The following MAB21L3 variants were observed in gnomAD, a reference collection of about 807,000 sequenced individuals.
MAB21L3 encodes protein mab-21-like 3.
Under a neutral mutation model 37.7 loss-of-function variants are expected in MAB21L3, and 36 were observed. That is an observed-to-expected ratio of 0.96 (90% CI 0.73 to 1.26). The LOEUF (loss-of-function observed/expected upper bound fraction) is 1.26. MAB21L3 is among the 50% of genes most tolerant of loss of function. MAB21L3 has a pLI of 0.00. For synonymous variants in MAB21L3, 186 were observed against 176.8 expected (o/e 1.05, Z -0.41); for missense variants, 430 against 447.3 (o/e 0.96, Z 0.35).
chr1:116,127,793 A>G, intron 6 of MAB21L3, 149 bp downstream of exon 6: 2 of 899,020 alleles, frequency 2.2e-6, no homozygotes, highest in Non-Finnish European at 3.3e-6. Flanking sequence ...CAGCAGCGTC[A>G]CCTGAGAACT....
At position 116,124,303 on chromosome 1, in the gene MAB21L3, C is replaced by T; in HGVS notation, c.427C>T (p.Leu143Phe). The T allele has an allele frequency of 1.9e-6, 3 of 1,614,132 alleles. No individual in the cohort carries two copies. Among genetic ancestry groups the T allele is most frequent in the Non-Finnish European group, 2.5e-6 (3 of 1,180,032 alleles). Reference sequence around the variant, plus strand: ...CGGAGACATTGTGCCTGCCAAGGTCCTCCTAGTGTTCCGGAAGCTGGTGGA... The same window carrying T: ...CGGAGACATTGTGCCTGCCAAGGTCTTCCTAGTGTTCCGGAAGCTGGTGGA... ...IDGDIVPAKVLLVFRKLVENA... is the reference protein window; with the variant it reads ...IDGDIVPAKVFLVFRKLVENA... The change falls in exon 5 of 8, where the codon CTC (leucine) becomes TTC (phenylalanine). Residue 143 changes from leucine to phenylalanine, a missense_variant. By Grantham distance (22) the Leu-to-Phe change is conservative. Coordinates refer to ENST00000369500, the MANE Select transcript of MAB21L3 (RefSeq NM_152367.3).
In MAB21L3 at chr1:116,124,321, C is replaced by T; in HGVS notation, c.445C>T (p.Leu149=). The stretch of plus-strand genomic sequence containing the variant: ...CAAGGTCCTCCTAGTGTTCCGGAAG[C>T]TGGTGGAAAATGCAGTTAGAACCTG... ...PAKVLLVFRK[L]VENAVRTCHL... The change falls in exon 5 of 8, where the codon CTG becomes TTG. Residue 149 remains leucine, a synonymous_variant. Transcript: ENST00000369500. 6.2e-7 allele frequency: 1 copy of T among 1,613,914 alleles called. No individual in the cohort carries two copies.
intron 3 of MAB21L3, among the ~76,000 whole-genome samples, chr1:116,120,428 CACAA>C (rs1300734146): frequency 1.3e-5 from 2 of 149,612 alleles, no homozygotes; most frequent in African/African-American, 5.0e-5. Context: ...CACACACACA[CACAA>C]ACACACACAC....
Position 116,117,162 on chromosome 1 carries a change from C to CATATATATATATATATAT in MAB21L3, c.49-3757_49-3740dup, listed in dbSNP as rs35799148. Among the ~76,000 whole-genome samples, 146 of 114,492 alleles carry CATATATATATATATATAT rather than the reference C, an allele frequency of 1.3e-3. 1 individual carries two copies. Among genetic ancestry groups the CATATATATATATATATAT allele is most frequent in the African/African-American group, 4.2e-3 (120 of 28,552 alleles). 75.1% of individuals were successfully genotyped at this position (114,492 alleles called of 152,430 possible). ...TAACTCAGGAATCAAAATATACATA[C>CATATATATATATATATAT]ATATATATATATATATATATATATA... is the stretch of plus-strand genomic sequence containing the variant. On this transcript the variant is annotated intron_variant, in intron 3 of 7. Transcript: ENST00000369500.
intron 7 of MAB21L3, among the ~76,000 whole-genome samples, chr1:116,129,654 C>T (rs765556211): frequency 3.9e-5 from 6 of 152,220 alleles, no homozygotes; most frequent in Admixed American, 6.5e-5. Context: ...TGACCTAACT[C>T]GATGTTCTTA....
chr1:116,122,962 T>C (rs1570807046), intron 4 of MAB21L3, among the ~76,000 whole-genome samples: 1 of 152,246 alleles, frequency 6.6e-6, no homozygotes, highest in South Asian at 2.1e-4. Flanking sequence ...TGTGGATACA[T>C]CATCTAAAAC....
At position 116,112,570 on chromosome 1, in the gene MAB21L3, A is replaced by G; in HGVS notation, c.-46A>G. ...GTGTTGCACTCCATTGAGAAAAAAA[A>G]AAAAACCAGGAAGTTGCTGTTCTAC... On this transcript the variant is annotated 5_prime_UTR_variant, in exon 3 of 8. Transcript: ENST00000369500. 6.3e-7 allele frequency: 1 copy of G among 1,597,806 alleles called. No individual in the cohort carries two copies. The highest frequency in any genetic ancestry group is 8.5e-7 in the Non-Finnish European group (1 of 1,170,774).
intron 3 of MAB21L3, among the ~76,000 whole-genome samples, chr1:116,114,899 G>T (rs76266676): frequency 1.2e-4 from 19 of 152,154 alleles, no homozygotes; most frequent in Non-Finnish European, 2.5e-4. Flanking sequence ...GAAGTGTAGG[G>T]TTTTAATAAG....
rs74884121 is a variant in MAB21L3 at position 116,133,288 on chromosome 1, A to G, written c.1012A>G (p.Thr338Ala). The G allele has an allele frequency of 0.025, 40,094 of 1,614,188 alleles. 617 individuals carry two copies. Among genetic ancestry groups the G allele is most frequent in the South Asian group, 0.044 (4,013 of 91,084 alleles). The change falls in exon 8 of 8, where the codon ACC becomes GCC. Residue 338 changes from threonine (T) to alanine (A), a missense_variant. Coordinates refer to ENST00000369500, the MANE Select transcript of MAB21L3 (RefSeq NM_152367.3). The part of the protein sequence containing the change: ...FVRNSNLFQC[T>A]NPTELDTVAQ... ...CCGGAACAGCAACCTCTTTCAGTGC[A>G]CCAACCCGACTGAACTGGACACTGT...
intron 4 of MAB21L3, among the ~76,000 whole-genome samples, 184 bp downstream of exon 4, chr1:116,121,256 T>A (rs1263233938): frequency 1.3e-5 from 2 of 152,206 alleles, no homozygotes; most frequent in African/African-American, 2.4e-5. Context: ...GCCAGCAGGG[T>A]GCCTTATGCC....
intron 5 of MAB21L3, among the ~76,000 whole-genome samples, chr1:116,126,936 A>G (rs986053629): frequency 6.6e-6 from 1 of 152,196 alleles, no homozygotes; most frequent in Non-Finnish European, 1.5e-5. Flanking sequence ...GCTTTGTGTT[A>G]GATGATTTTG....
intron 5 of MAB21L3, among the ~76,000 whole-genome samples, chr1:116,125,810 A>T (rs1285760772): frequency 6.9e-6 from 1 of 145,510 alleles, no homozygotes; most frequent in Non-Finnish European, 1.5e-5. Context: ...ACTTAGAGAG[A>T]TTAAGTCACT....
At chr1:116,130,263 C>T (rs1431570248) in intron 7 of MAB21L3, among the ~76,000 whole-genome samples, 2 of 152,226 alleles carry the variant, frequency 1.3e-5, no homozygotes, top group Non-Finnish European at 2.9e-5. Context: ...GACTTCTATT[C>T]TGATGGCTCC....
At chr1:116,127,150 TC>T (rs1659929978) in intron 5 of MAB21L3, among the ~76,000 whole-genome samples, 1 of 151,950 alleles carries the variant, frequency 6.6e-6, no homozygotes, top group Non-Finnish European at 1.5e-5. Flanking sequence ...CAGTTGATCC[TC>T]CTGAAAAGAA....
At chr1:116,130,713 A>G (rs1660046147) in intron 7 of MAB21L3, among the ~76,000 whole-genome samples, 1 of 152,218 alleles carries the variant, frequency 6.6e-6, no homozygotes. Context: ...CTCTGCCCCA[A>G]GACTATTTCA....
intron 5 of MAB21L3, among the ~76,000 whole-genome samples, chr1:116,126,758 T>C (rs1334183797): frequency 2.6e-5 from 4 of 152,202 alleles, no homozygotes; most frequent in Non-Finnish European, 5.9e-5. Flanking sequence ...GGTTTCATTT[T>C]TACAGTAGCA....
At chr1:116,117,282 A>G (rs993626159) in intron 3 of MAB21L3, among the ~76,000 whole-genome samples, 1 of 151,232 alleles carries the variant, frequency 6.6e-6, no homozygotes, top group Admixed American at 6.6e-5. Context: ...TTGGCCTTCA[A>G]CACGTTCTGA....
At chr1:116,131,995 T>G (rs1373288341) in intron 7 of MAB21L3, among the ~76,000 whole-genome samples, 1 of 152,152 alleles carries the variant, frequency 6.6e-6, no homozygotes, top group Non-Finnish European at 1.5e-5. Flanking sequence ...CTCCTAGGTT[T>G]TCGTGTTGCA....
chr1:116,117,189 A>G (rs1037418186), intron 3 of MAB21L3, among the ~76,000 whole-genome samples: 10 of 144,246 alleles, frequency 6.9e-5, no homozygotes, highest in African/African-American at 7.6e-5. Context: ...ATATATATAT[A>G]TATGTATAGT....
Sources: allele counts gnomAD v4.1 joint callset (sites outside exome capture counted in the v4.1 genomes callset), GRCh38; gene constraint gnomAD v4.1.1; transcripts MANE v1.5; gene names NCBI Gene and HGNC (gene_info 2026-07-23, HGNC 2026-07-21).